The following TBCD variants were observed in gnomAD, a reference collection of about 807,000 sequenced individuals.
TBCD encodes tubulin-specific chaperone D.
Under a neutral mutation model 169.3 loss-of-function variants are expected in TBCD, and 105 were observed. That is an observed-to-expected ratio of 0.62 (90% CI 0.53 to 0.73). The LOEUF is 0.73. Among genes scored for constraint, TBCD ranks in the 30% least tolerant of loss-of-function variants. The pLI is 0.00. For missense variants in TBCD, 1,444 were observed against 1,600.1 expected, an observed-to-expected ratio of 0.90 and a Z score of 1.66; for synonymous variants, 700 against 643.9, an observed-to-expected ratio of 1.09 and a Z score of -1.32.
At chr17:82,778,246 C>T (rs1418832900) in intron 6 of TBCD, among the ~76,000 whole-genome samples, 1 of 152,064 alleles carries the variant, frequency 6.6e-6, no homozygotes, top group Non-Finnish European at 1.5e-5. Context: ...TGTCCTTGGT[C>T]TCTTGCCTCG....
intron 7 of TBCD, among the ~76,000 whole-genome samples, chr17:82,784,980 AT>A (rs2049203244): frequency 6.8e-6 from 1 of 147,650 alleles, no homozygotes; most frequent in Non-Finnish European, 1.5e-5. Flanking sequence ...GACCCCACCC[AT>A]CGCAGCGGGA....
rs2048956409 is a variant in TBCD, at chr17:82,781,654, A to G, written c.704A>G (p.Asn235Ser). 2 of 1,613,692 alleles carry G rather than the reference A, an allele frequency of 1.2e-6. No homozygotes were observed. The highest frequency in any genetic ancestry group is 1.7e-6 in the Non-Finnish European group (2 of 1,179,844). ...GAGTTCCTGGACTGGAGCCTGTGCA[A>G]TCTGGCCCGTTCCTCCTTCCAGACC... ...MAEFLDWSLC[N>S]LARSSFQTMQ... The change falls in exon 7 of 39, where the codon AAT becomes AGT. Residue 235 changes from asparagine to serine, a missense_variant. Transcript: ENST00000355528.
At position 82,884,319 on chromosome 17, in the gene TBCD, G is replaced by A. The variant is rs2058578886; in HGVS notation, c.1533+117G>A. On this transcript the variant is annotated intron_variant, in intron 15 of 38. Transcript: ENST00000355528. This position sits in a 1 kb window ranked among gnomAD's most constrained non-coding sequence, Gnocchi z 4.2. ...CTCACCCATCCACAGCAGGAGCCGCGAGGGAGCTGCTGAGAGTGCCAGCTG... is the reference window on the plus strand; with the variant it reads ...CTCACCCATCCACAGCAGGAGCCGCAAGGGAGCTGCTGAGAGTGCCAGCTG... 2.1e-6 allele frequency: 2 copies of A among 973,490 alleles called. No individual in the cohort carries two copies. Among genetic ancestry groups the A allele is most frequent in the South Asian group, 1.4e-5 (1 of 71,508 alleles). The allele number at this position is 973,490 out of a possible 1,614,324, so 60.3% of individuals were successfully genotyped here.
chr17:82,774,896 G>A (rs2048494910), intron 6 of TBCD, among the ~76,000 whole-genome samples: 1 of 152,230 alleles, frequency 6.6e-6, no homozygotes, highest in Non-Finnish European at 1.5e-5. Context: ...TTCTTTCCCC[G>A]TCTTTTCCAG....
Position 82,859,735 on chromosome 17 carries a change from A to G in TBCD, c.1319-10489A>G, listed in dbSNP as rs955200483. ...TGTGGCTGTGGAAAGATTCCAGTCC[A>G]CAGTGGGGGCTGCTGCCCAGACTCA... On this transcript the variant is annotated intron_variant, in intron 13 of 38. Coordinates refer to ENST00000355528, the MANE Select transcript of TBCD (RefSeq NM_005993.5). 5 of 985,342 alleles carry G rather than the reference A, an allele frequency of 5.1e-6. No homozygotes were observed. In the African/African-American group the frequency reaches 7.0e-5, roughly 14 times the overall value. 61.0% of individuals were successfully genotyped at this position (985,342 alleles called of 1,614,324 possible).
chr17:82,863,063 T>C (rs2056899102), intron 13 of TBCD, among the ~76,000 whole-genome samples: 1 of 152,154 alleles, frequency 6.6e-6, no homozygotes, highest in Admixed American at 6.5e-5. Context: ...GGCTTATTAA[T>C]GTCAAAAAGT....
At chr17:82,879,585 G>A (rs111627032) in intron 14 of TBCD, among the ~76,000 whole-genome samples, 6,381 of 152,190 alleles carry the variant, frequency 0.042, 253 homozygotes, top group African/African-American at 0.11. Context: ...TTCCCTCTGT[G>A]CTGGTCCGGG....
intron 7 of TBCD, among the ~76,000 whole-genome samples, chr17:82,796,448 C>T (rs1255806338): frequency 1.3e-5 from 2 of 152,206 alleles, no homozygotes; most frequent in Admixed American, 6.5e-5. Context: ...TGGTAGGGAA[C>T]GTGTTACTAT....
chr17:82,808,547 G>GA (rs1341612829), intron 11 of TBCD, among the ~76,000 whole-genome samples: 1 of 123,838 alleles, frequency 8.1e-6, no homozygotes, highest in Non-Finnish European at 1.7e-5. Context: ...AGGTGGAGGG[G>GA]TGGCAGGTCC....
intron 2 of TBCD, among the ~76,000 whole-genome samples, chr17:82,756,874 T>C (rs1026068895): frequency 1.6e-4 from 24 of 152,228 alleles, no homozygotes; most frequent in Non-Finnish European, 3.2e-4. Context: ...TCAGGTGTTT[T>C]ACATGGGTCA....
Position 82,875,602 on chromosome 17 carries a change from C to T in TBCD, c.1475+5222C>T, listed in dbSNP as rs533297478. ...CCTCGAGCAAACCTGCTGAGCGGCG[C>T]GGCCCAGGGAGGATCCGCCGAGGCC... On this transcript the variant is annotated intron_variant, in intron 14 of 38. Coordinates refer to ENST00000355528, the MANE Select transcript of TBCD (RefSeq NM_005993.5). Among the ~76,000 whole-genome samples the T allele has an allele frequency of 5.3e-5, 8 of 152,320 alleles. No homozygotes were observed. In the South Asian group the frequency reaches 1.5e-3, roughly 28 times the overall value.
chr17:82,832,787 A>AG lies in TBCD; in HGVS notation c.1318+17854dup, dbSNP rs1357669465. On this transcript the variant is annotated intron_variant, in intron 13 of 38. Coordinates refer to ENST00000355528, the MANE Select transcript of TBCD (RefSeq NM_005993.5). This position sits in a 1 kb window ranked among gnomAD's most constrained non-coding sequence, Gnocchi z 4.9. ...CCTGAGGGGAGCAGCTGCCGGTCACAGAAGCAGCCCTGCCCTACCCTTGGT... is the reference window on the plus strand; with the variant it reads ...CCTGAGGGGAGCAGCTGCCGGTCACAGGAAGCAGCCCTGCCCTACCCTTGGT... 6.6e-6 allele frequency among the ~76,000 whole-genome samples: 1 copy of AG among 152,228 alleles called. No homozygotes were observed. The highest frequency in any genetic ancestry group is 2.4e-5 in the African/African-American group (1 of 41,462).
intron 6 of TBCD, 30 bp downstream of exon 6, chr17:82,772,537 G>A: frequency 6.2e-7 from 1 of 1,613,114 alleles, no homozygotes; most frequent in Non-Finnish European, 8.5e-7. Flanking sequence ...TTCTTGGTGT[G>A]TGGCTGGTGG....
At chr17:82,818,821 CT>C (rs2052155921) in intron 13 of TBCD, among the ~76,000 whole-genome samples, 1 of 152,012 alleles carries the variant, frequency 6.6e-6, no homozygotes, top group Non-Finnish European at 1.5e-5. Flanking sequence ...AATCCCAGCA[CT>C]TTGGGAGGCC....
At chr17:82,935,199 G>A (rs985479297) in intron 34 of TBCD, among the ~76,000 whole-genome samples, 3 of 152,164 alleles carry the variant, frequency 2.0e-5, no homozygotes, top group Admixed American at 6.5e-5. Context: ...GTGTTTGTGG[G>A]CTGAATCTTG....
chr17:82,877,735 G>C (rs1013289631), intron 14 of TBCD, among the ~76,000 whole-genome samples: 13 of 152,348 alleles, frequency 8.5e-5, no homozygotes, highest in African/African-American at 2.9e-4. Context: ...CCATTATGAT[G>C]TATTGAAATA....
At chr17:82,797,210 C>G (rs899959607) in intron 7 of TBCD, among the ~76,000 whole-genome samples, 9 of 152,142 alleles carry the variant, frequency 5.9e-5, no homozygotes, top group African/African-American at 1.9e-4. Context: ...CCTGTTTGGT[C>G]TGATGGACTC....
intron 13 of TBCD, among the ~76,000 whole-genome samples, chr17:82,869,923 G>T (rs995255925): frequency 1.3e-5 from 2 of 152,158 alleles, no homozygotes; most frequent in Non-Finnish European, 2.9e-5. Context: ...CCTCAGACTC[G>T]GCAGACCCCT....
intron 34 of TBCD, 76 bp from the exon 35 acceptor site, chr17:82,937,192 CCTT>C: frequency 7.3e-6 from 10 of 1,362,216 alleles, no homozygotes; most frequent in Middle Eastern, 1.8e-4. Flanking sequence ...ACGGAGTTGA[CCTT>C]CTTTGAGACA....
Sources: gnomAD v4.1 joint callset for allele counts (sites outside exome capture counted in the v4.1 genomes callset) on GRCh38, gnomAD v4.1.1 for gene constraint, Gnocchi (gnomAD v3.1) non-coding constraint, MANE v1.5 for transcripts, NCBI Gene and HGNC (gene_info 2026-07-23, HGNC 2026-07-21) for gene names.